The following DNAH6 variants were observed in gnomAD, a reference collection of about 807,000 sequenced individuals.
DNAH6 encodes the protein axonemal beta dynein heavy chain 6.
DNAH6 carries 340 observed loss-of-function variants against 491.4 expected under a neutral mutation model. That is an observed-to-expected ratio of 0.69 (90% CI 0.63 to 0.76). The LOEUF (loss-of-function observed/expected upper bound fraction) is 0.76, where lower values mean the gene tolerates loss of function less well. Among genes scored for constraint, DNAH6 ranks in the 30% least tolerant of loss-of-function variants. The pLI, the probability that DNAH6 is intolerant of heterozygous loss-of-function variation, is 0.00. For missense variants in DNAH6, 4,443 were observed against 4,972.2 expected, an observed-to-expected ratio of 0.89 and a Z score of 3.20; for synonymous variants, 1,603 against 1,686.1, an observed-to-expected ratio of 0.95 and a Z score of 1.21.
intron 4 of DNAH6, among the ~76,000 whole-genome samples, chr2:84,530,072 A>G (rs1677012240): frequency 6.6e-6 from 1 of 152,220 alleles, no homozygotes; most frequent in African/African-American, 2.4e-5. Context: ...AGCAAAATTT[A>G]TTGAGCATGA....
intron 62 of DNAH6, among the ~76,000 whole-genome samples, chr2:84,743,529 A>T (rs146917572): frequency 1.4e-4 from 22 of 152,340 alleles, no homozygotes; most frequent in African/African-American, 5.3e-4. Context: ...TATTTAAAAT[A>T]TACATTATTA....
chr2:84,555,452 A>T (rs890637024), intron 10 of DNAH6, among the ~76,000 whole-genome samples: 1 of 151,836 alleles, frequency 6.6e-6, no homozygotes, highest in Non-Finnish European at 1.5e-5. Context: ...CCTCTTTTTT[A>T]TCTGATCCTT....
the DNAH6 span, among the ~76,000 whole-genome samples, chr2:84,491,603 C>T: frequency 5.9e-5 from 9 of 152,256 alleles, no homozygotes; most frequent in African/African-American, 2.2e-4. Flanking sequence ...AGCTTATTCC[C>T]TTCATTCTAT....
intron 63 of DNAH6, among the ~76,000 whole-genome samples, chr2:84,754,330 C>T (rs1673784831): frequency 6.6e-6 from 1 of 152,128 alleles, no homozygotes; most frequent in Non-Finnish European, 1.5e-5. Flanking sequence ...CAAGTGGCCA[C>T]CACCACACCT....
At chr2:84,718,432 G>A (rs1176367933) in intron 59 of DNAH6, 48 bp downstream of exon 59, 7 of 1,424,806 alleles carry the variant, frequency 4.9e-6, no homozygotes, top group Non-Finnish European at 6.5e-6. Context: ...TACTTCAAAA[G>A]TTATAACTAC....
intron 37 of DNAH6, among the ~76,000 whole-genome samples, chr2:84,665,987 C>T (rs1032034812): frequency 2.6e-5 from 4 of 152,090 alleles, no homozygotes; most frequent in African/African-American, 9.7e-5. Context: ...ATAAACAGAA[C>T]CAGTGACAAA....
intron 11 of DNAH6, among the ~76,000 whole-genome samples, chr2:84,568,856 A>G (rs1435706756): frequency 6.6e-6 from 1 of 152,256 alleles, no homozygotes; most frequent in African/African-American, 2.4e-5. Flanking sequence ...ATAATTTCTC[A>G]ACTATCAGAT....
chr2:84,673,492 T>C (rs962607036), intron 40 of DNAH6, among the ~76,000 whole-genome samples: 1 of 152,178 alleles, frequency 6.6e-6, no homozygotes, highest in African/African-American at 2.4e-5. Flanking sequence ...GCAGGACTGG[T>C]GGTGTGTTAG....
rs1345947546 is a variant in DNAH6 at position 84,727,935 on chromosome 2, T to C, written c.10206+33T>C. The C allele has an allele frequency of 1.5e-5, 21 of 1,385,762 alleles. No homozygotes were observed. The African/African-American group carries it at 2.7e-4, about 18-fold the overall frequency. 85.8% of individuals were successfully genotyped at this position (1,385,762 alleles called of 1,614,324 possible). A position where few individuals can be genotyped will look rare whatever the true frequency, so the allele number is the denominator to read the frequency against. The stretch of plus-strand genomic sequence containing the variant: ...ATTCCCATTTAGGTGATGATTGATA[T>C]GGTTTGGCTGTGTCCCCACCCAAAT... On this transcript the variant is annotated intron_variant, in intron 61 of 76. Coordinates refer to ENST00000389394, the MANE Select transcript of DNAH6 (RefSeq NM_001370.2).
chr2:84,715,028 CA>C (rs1202963630), intron 57 of DNAH6, among the ~76,000 whole-genome samples: 1 of 151,766 alleles, frequency 6.6e-6, no homozygotes, highest in African/African-American at 2.4e-5. Flanking sequence ...TGTTATTAGA[CA>C]AAACATATAA....
chr2:84,672,595 A>G (rs1451334205), intron 40 of DNAH6, 111 bp downstream of exon 40: 1 of 973,804 alleles, frequency 1.0e-6, no homozygotes, highest in Non-Finnish European at 1.5e-6. Context: ...GGTGGCTTAC[A>G]CAACAGAAAT....
At chr2:84,502,671 C>T in the DNAH6 span, among the ~76,000 whole-genome samples, 1 of 152,020 alleles carries the variant, frequency 6.6e-6, no homozygotes, top group Non-Finnish European at 1.5e-5. Flanking sequence ...ACAGTATTTG[C>T]TTTATATGCA....
At chr2:84,516,457 T>C (rs148405625), upstream of DNAH6, 1 of 152,346 alleles carries the variant, frequency 6.6e-6, no homozygotes, top group East Asian at 1.9e-4. Flanking sequence ...GGCGCAGTGC[T>C]TCCGTAGAGG....
At chr2:84,474,233 C>T in the DNAH6 span, among the ~76,000 whole-genome samples, 2 of 152,294 alleles carry the variant, frequency 1.3e-5, no homozygotes, top group African/African-American at 2.4e-5. Flanking sequence ...TAACGTTCTC[C>T]ATTTCCCTAA....
chr2:84,593,219 T>C (rs1684273022), intron 16 of DNAH6, among the ~76,000 whole-genome samples: 1 of 152,210 alleles, frequency 6.6e-6, no homozygotes, highest in Admixed American at 6.5e-5. Context: ...TCCTTCCTGA[T>C]TGTCTCTGAT....
chr2:84,564,111 GT>G (rs1558721577), intron 11 of DNAH6, among the ~76,000 whole-genome samples: 2 of 152,152 alleles, frequency 1.3e-5, no homozygotes, highest in African/African-American at 4.8e-5. Context: ...TTGTAGCATA[GT>G]TTGAAGCCCA....
intron 11 of DNAH6, among the ~76,000 whole-genome samples, chr2:84,562,648 C>T (rs982746409): frequency 3.9e-5 from 6 of 152,012 alleles, no homozygotes; most frequent in African/African-American, 7.2e-5. Context: ...GCAAAATTAA[C>T]GAAGGGAAAA....
At chr2:84,808,603 A>G in intron 72 of DNAH6, 61 bp downstream of exon 72, 1 of 1,512,696 alleles carries the variant, frequency 6.6e-7, no homozygotes, top group Non-Finnish European at 9.0e-7. Context: ...GAGTTGTATA[A>G]TATGAAATTC....
At chr2:84,542,106 A>G (rs1013211156) in intron 4 of DNAH6, among the ~76,000 whole-genome samples, 1 of 152,194 alleles carries the variant, frequency 6.6e-6, no homozygotes, top group East Asian at 1.9e-4. Context: ...CTGAGCACCA[A>G]GTTAGAATTC....
Sources: gnomAD v4.1 joint callset for allele counts (sites outside exome capture counted in the v4.1 genomes callset) on GRCh38, gnomAD v4.1.1 for gene constraint, MANE v1.5 for transcripts, NCBI Gene and HGNC (gene_info 2026-07-23, HGNC 2026-07-21) for gene names.